KCNC1: variants seen among roughly 807,000 people sequenced by gnomAD.
KCNC1 encodes voltage-gated potassium channel KCNC1.
KCNC1 carries 8 observed loss-of-function variants against 43.4 expected under a neutral mutation model. The ratio of observed to expected loss-of-function variants is 0.18; its 90% CI spans 0.11 to 0.33. The LOEUF is 0.33. Ranked by LOEUF, KCNC1 falls within the 10% of genes least tolerant of loss-of-function variation. The probability of loss-of-function intolerance (pLI) is 1.00; values close to 1 mark genes in which losing one functional copy is unlikely to be tolerated. For synonymous variants in KCNC1, 361 were observed against 360.5 expected (o/e 1.00, Z -0.01); for missense variants, 420 against 836.0 (o/e 0.50, Z 6.14).
chr11:17,780,171 C>A, intron 3 of KCNC1: 1 of 152,750 alleles, frequency 6.5e-6, no homozygotes, highest in Non-Finnish European at 1.5e-5. Flanking sequence ...GTCTTCAGGG[C>A]TTGGGGGTAA....
intron 1 of KCNC1, among the ~76,000 whole-genome samples, chr11:17,756,795 T>C (rs1452921065): frequency 3.3e-5 from 5 of 152,200 alleles, no homozygotes; most frequent in Non-Finnish European, 7.3e-5. Flanking sequence ...AGATGTGCTA[T>C]ATACTGAAGA....
At chr11:17,772,932 G>T in intron 2 of KCNC1, 1 of 1,193,430 alleles carries the variant, frequency 8.4e-7, no homozygotes, top group Non-Finnish European at 1.0e-6. Context: ...GCAGGAGTCC[G>T]GTGTGAGTCT....
At chr11:17,772,719 G>A in intron 2 of KCNC1, 121 bp downstream of exon 2, 2 of 1,511,520 alleles carry the variant, frequency 1.3e-6, no homozygotes, top group South Asian at 1.4e-5. Context: ...CCCGCACTCA[G>A]TCTGGAGGTG....
rs1277702764 is a variant in KCNC1 at position 17,777,555 on chromosome 11, G to A, written c.1505-1901G>A. The A allele has an allele frequency of 3.0e-5, 30 of 985,774 alleles. No individual in the cohort carries two copies. Among genetic ancestry groups the A allele is most frequent in the East Asian group, 1.1e-4 (1 of 8,798 alleles). The allele number at this position is 985,774 out of a possible 1,614,324, so 61.1% of individuals were successfully genotyped here. On this transcript the variant is annotated intron_variant, in intron 2 of 3. Coordinates refer to ENST00000265969, the MANE Select transcript of KCNC1 (RefSeq NM_001112741.2). This position sits in a 1 kb window ranked among gnomAD's most constrained non-coding sequence, Gnocchi z 4.3. ...AGCCAGAGTGGGAGGCAGGACCAGCGTGTCTGCGAGCACACGTGTGTGCCT... is the reference window on the plus strand; with the variant it reads ...AGCCAGAGTGGGAGGCAGGACCAGCATGTCTGCGAGCACACGTGTGTGCCT...
chr11:17,761,093 C>T (rs915923531), intron 1 of KCNC1, among the ~76,000 whole-genome samples: 1 of 152,188 alleles, frequency 6.6e-6, no homozygotes, highest in Non-Finnish European at 1.5e-5. Flanking sequence ...AAGTCCCCCT[C>T]ACCTCGAGGA....
intron 1 of KCNC1, among the ~76,000 whole-genome samples, chr11:17,741,536 GCAGCCCCCCAGCTGCTCTCCCACCTC>G (rs1848841747): frequency 6.6e-6 from 1 of 151,804 alleles, no homozygotes; most frequent in African/African-American, 2.4e-5. Context: ...CACCTCCCCG[GCAGCCCCCCAGCTGCTCTCCCACCTC>G]CAGCCCCTGG....
At position 17,776,750 on chromosome 11, in the gene KCNC1, G is replaced by C; in HGVS notation, c.1505-2706G>C. 1 of 985,440 alleles carries C rather than the reference G, an allele frequency of 1.0e-6. No individual in the cohort carries two copies. Among genetic ancestry groups the C allele is most frequent in the South Asian group, 4.7e-5 (1 of 21,284 alleles). The allele number at this position is 985,440 out of a possible 1,614,324, so 61.0% of individuals were successfully genotyped here. A position where few individuals can be genotyped will look rare whatever the true frequency, so the allele number is the denominator to read the frequency against. On this transcript the variant is annotated intron_variant, in intron 2 of 3. Coordinates refer to ENST00000265969, the MANE Select transcript of KCNC1 (RefSeq NM_001112741.2). This position sits in a 1 kb window ranked among gnomAD's most constrained non-coding sequence, Gnocchi z 4.4. ...CATCCAAAGGATGGGGCAGGGGCGG[G>C]GGCTCACACCTTTGACCCTATTCAT...
Position 17,736,066 on chromosome 11 carries a change from T to C in KCNC1, c.64T>C (p.Tyr22His). The C allele has an allele frequency of 6.3e-7, 1 of 1,593,648 alleles. No individual in the cohort carries two copies. The highest frequency in any genetic ancestry group is 8.5e-7 in the Non-Finnish European group (1 of 1,170,300). Residue 22 changes from tyrosine (Y) to histidine (H), a missense_variant, in exon 1 of 4, where the codon TAC (tyrosine) becomes CAC (histidine). By Grantham distance (83) the Tyr-to-His change is moderately conservative. This residue lies in a region of KCNC1 where 42 missense variants were observed against 81.5 expected (regional missense o/e 0.52). Transcript: ENST00000265969. The surrounding 1 kb of genome is among the most constrained non-coding windows in gnomAD (Gnocchi z 9.3). ...INVGGTRHQT[Y>H]RSTLRTLPGT... Reference sequence around the variant, plus strand: ...CGTGGGCGGCACGCGCCACCAGACGTACCGCTCGACCCTGCGCACGCTGCC... The same window carrying C: ...CGTGGGCGGCACGCGCCACCAGACGCACCGCTCGACCCTGCGCACGCTGCC...
At chr11:17,780,893 G>C (rs1849338276) in intron 3 of KCNC1, 1 of 152,240 alleles carries the variant, frequency 6.6e-6, no homozygotes, top group Non-Finnish European at 1.5e-5. Context: ...CTCCCCGCAT[G>C]GTGCTGCATG....
chr11:17,757,664 G>A (rs1288339435), intron 1 of KCNC1, among the ~76,000 whole-genome samples: 2 of 152,142 alleles, frequency 1.3e-5, no homozygotes, highest in African/African-American at 2.4e-5. Flanking sequence ...GCAATAAAGT[G>A]AATATCACAA....
At position 17,776,225 on chromosome 11, in the gene KCNC1, T is replaced by G; in HGVS notation, c.1505-3231T>G. 1.0e-6 allele frequency: 1 copy of G among 985,436 alleles called. No homozygotes were observed. Among genetic ancestry groups the G allele is most frequent in the Non-Finnish European group, 1.2e-6 (1 of 829,968 alleles). 61.0% of individuals were successfully genotyped at this position (985,436 alleles called of 1,614,324 possible). On this transcript the variant is annotated intron_variant, in intron 2 of 3. Transcript: ENST00000265969. This position sits in a 1 kb window ranked among gnomAD's most constrained non-coding sequence, Gnocchi z 4.4. The stretch of plus-strand genomic sequence containing the variant: ...TCTCTCCACTAATCATGTTTCTCTC[T>G]CTCTCCTCGTTTTGTTGCATGACTT...
intron 1 of KCNC1, among the ~76,000 whole-genome samples, chr11:17,748,350 C>T (rs771943708): frequency 5.3e-5 from 8 of 152,052 alleles, no homozygotes; most frequent in Non-Finnish European, 8.8e-5. Context: ...ATATCTGGGG[C>T]TGGGCTCGGA....
chr11:17,772,472 A>G lies in KCNC1; in HGVS notation c.1378A>G (p.Ile460Val), dbSNP rs1217966685. The part of the protein sequence containing the change: ...QKLPKKKKKH[I>V]PRPPQLGSPN... ...ACTACCAAAGAAAAAAAAGAAGCAT[A>G]TTCCGCGGCCACCGCAGCTGGGATC... Residue 460 changes from isoleucine to valine, a missense_variant, in exon 2 of 4, where the codon ATT becomes GTT. Transcript: ENST00000265969. The G allele has an allele frequency of 3.7e-6, 6 of 1,614,090 alleles. No homozygotes were observed. The highest frequency in any genetic ancestry group is 1.6e-4 in the Middle Eastern group (1 of 6,084).
intron 1 of KCNC1, among the ~76,000 whole-genome samples, chr11:17,770,059 C>T (rs1849205586): frequency 6.6e-6 from 1 of 152,266 alleles, no homozygotes. Context: ...TCCCAGATCC[C>T]TGCCAGGTTG....
rs973174406 is a variant in KCNC1 at position 17,779,778 on chromosome 11, T to A, written c.1693+134T>A. ...GAGGGGGGCAAGGATGGAGGGAATC[T>A]CCCAGGGTCGGCCCCTGGAGGGCTG... On this transcript the variant is annotated intron_variant, in intron 3 of 3. Transcript: ENST00000265969. This position sits in a 1 kb window ranked among gnomAD's most constrained non-coding sequence, Gnocchi z 7.2. The A allele has an allele frequency of 2.8e-6, 2 of 715,004 alleles. No individual in the cohort carries two copies. Among genetic ancestry groups the A allele is most frequent in the Middle Eastern group, 7.3e-4 (2 of 2,724 alleles). The allele number at this position is 715,004 out of a possible 1,614,324, so 44.3% of individuals were successfully genotyped here. A position where few individuals can be genotyped will look rare whatever the true frequency, so the allele number is the denominator to read the frequency against.
chr11:17,737,706 G>A (rs1163795041), intron 1 of KCNC1, among the ~76,000 whole-genome samples: 1 of 152,170 alleles, frequency 6.6e-6, no homozygotes, highest in Admixed American at 6.5e-5. Flanking sequence ...TGTGGGGGAA[G>A]GGCAGAGTAG....
chr11:17,745,680 C>A (rs1214339829), intron 1 of KCNC1, among the ~76,000 whole-genome samples: 1 of 152,188 alleles, frequency 6.6e-6, no homozygotes, highest in African/African-American at 2.4e-5. Flanking sequence ...CTCCCTCCCC[C>A]AGCCTCCATG....
At chr11:17,751,131 G>A (rs1281607666) in intron 1 of KCNC1, among the ~76,000 whole-genome samples, 4 of 152,224 alleles carry the variant, frequency 2.6e-5, no homozygotes, top group Admixed American at 2.6e-4. Flanking sequence ...CCAGAAGAGA[G>A]CAAGTGGTAG....
At chr11:17,755,054 A>G in intron 1 of KCNC1, among the ~76,000 whole-genome samples, 1 of 152,160 alleles carries the variant, frequency 6.6e-6, no homozygotes, top group East Asian at 1.9e-4. Context: ...GAGACTTGAA[A>G]TAGGGTGGTC....
Sources: allele counts gnomAD v4.1 joint callset (sites outside exome capture counted in the v4.1 genomes callset), GRCh38; gene constraint gnomAD v4.1.1; regional missense constraint gnomAD v4.1.1; non-coding constraint Gnocchi (gnomAD v3.1); transcripts MANE v1.5; gene names NCBI Gene and HGNC (gene_info 2026-07-23, HGNC 2026-07-21).